The following NBEA variants were observed in gnomAD, a reference collection of about 807,000 sequenced individuals.
NBEA encodes neurobeachin, also known as lysosomal-trafficking regulator 2.
Under a neutral mutation model 343.4 loss-of-function variants are expected in NBEA, and 44 were observed. The ratio of observed to expected loss-of-function variants is 0.13; its 90% CI spans 0.10 to 0.16. The LOEUF is 0.16. Among genes scored for constraint, NBEA ranks in the 10% least tolerant of loss-of-function variants. The pLI is 1.00. For synonymous variants in NBEA, 1,175 were observed against 1,238.7 expected (o/e 0.95, Z 1.08); for missense variants, 2,555 against 3,631.3 (o/e 0.70, Z 7.62).
chr13:35,009,227 A>G (rs2152531537), intron 1 of NBEA, among the ~76,000 whole-genome samples: 1 of 152,344 alleles, frequency 6.6e-6, no homozygotes, highest in Non-Finnish European at 1.5e-5. Flanking sequence ...AAAGCAACAA[A>G]ACTCTCTACT....
chr13:35,165,861 T>A (rs569881716), intron 24 of NBEA, among the ~76,000 whole-genome samples: 2 of 151,882 alleles, frequency 1.3e-5, no homozygotes, highest in Non-Finnish European at 2.9e-5. Context: ...ATTTTTGTAT[T>A]TTTAGTAGTT....
At chr13:35,316,187 T>C (rs1341897136) in intron 36 of NBEA, among the ~76,000 whole-genome samples, 7 of 152,080 alleles carry the variant, frequency 4.6e-5, no homozygotes, top group African/African-American at 1.4e-4. Context: ...TATACACGTG[T>C]CATGGTGGTT....
At chr13:35,350,527 C>G (rs1226867935) in intron 37 of NBEA, among the ~76,000 whole-genome samples, 1 of 152,024 alleles carries the variant, frequency 6.6e-6, no homozygotes, top group Non-Finnish European at 1.5e-5. Flanking sequence ...TGAGATTACT[C>G]TCGTTGTGGG....
At chr13:35,351,028 C>T (rs764446688) in intron 37 of NBEA, among the ~76,000 whole-genome samples, 4 of 151,836 alleles carry the variant, frequency 2.6e-5, no homozygotes, top group Non-Finnish European at 5.9e-5. Flanking sequence ...TGAGGCAGAT[C>T]GTTGTACTAA....
intron 38 of NBEA, among the ~76,000 whole-genome samples, chr13:35,418,405 T>G (rs760439542): frequency 6.6e-6 from 1 of 152,004 alleles, no homozygotes. Context: ...TTTAGCTAAA[T>G]AAACAGAAGA....
At chr13:35,091,827 G>A (rs2065094792) in intron 10 of NBEA, among the ~76,000 whole-genome samples, 1 of 151,870 alleles carries the variant, frequency 6.6e-6, no homozygotes, top group African/African-American at 2.4e-5. Flanking sequence ...TCATATTCAT[G>A]GACTTAACAT....
chr13:34,981,487 C>G (rs1002774242), intron 1 of NBEA, among the ~76,000 whole-genome samples: 11 of 152,172 alleles, frequency 7.2e-5, no homozygotes, highest in Non-Finnish European at 1.0e-4. Context: ...TACATTGCCA[C>G]TGACAATTGA....
intron 2 of NBEA, 33 bp from the exon 3 acceptor site, chr13:35,044,914 T>TGTTC: frequency 6.5e-7 from 1 of 1,542,792 alleles, no homozygotes; most frequent in Non-Finnish European, 8.9e-7. Flanking sequence ...AGCTCATGAC[T>TGTTC]AGAGTTCAGA....
chr13:35,448,086 A>G (rs1420983183), intron 39 of NBEA, among the ~76,000 whole-genome samples: 2 of 152,180 alleles, frequency 1.3e-5, no homozygotes, highest in African/African-American at 4.8e-5. Flanking sequence ...TGAGCTGCAA[A>G]CTGATAACAC....
chr13:35,058,034 G>A lies in NBEA; in HGVS notation c.1093-683G>A, dbSNP rs544936570. On this transcript the variant is annotated intron_variant, in intron 7 of 58. Coordinates refer to ENST00000379939, the MANE Select transcript of NBEA (RefSeq NM_001385012.1). ...GGATAGGAGAAAGGAACTGAGCCAT[G>A]ACTGCCTTCCCTGGTTTGGGTGGGC... 1.5e-4 allele frequency among the ~76,000 whole-genome samples: 23 copies of A among 152,246 alleles called. No individual in the cohort carries two copies. The East Asian group carries it at 3.9e-3, about 26-fold the overall frequency.
intron 34 of NBEA, among the ~76,000 whole-genome samples, chr13:35,249,323 G>T (rs1368634280): frequency 6.6e-6 from 1 of 152,062 alleles, no homozygotes; most frequent in Non-Finnish European, 1.5e-5. Context: ...AGAGTGAAAG[G>T]CAAAGGCAAC....
In NBEA at chr13:35,259,858, C is replaced by G. The variant is rs1213236512; in HGVS notation, c.5776+27239C>G. ...TTTTGTGTTACAACATAACTTCAAT[C>G]AAAGAAATGTTATTTCAGGAATGAT... On this transcript the variant is annotated intron_variant, in intron 34 of 58. Coordinates refer to ENST00000379939, the MANE Select transcript of NBEA (RefSeq NM_001385012.1). 2.0e-5 allele frequency among the ~76,000 whole-genome samples: 3 copies of G among 151,918 alleles called. No individual in the cohort carries two copies. The East Asian group carries it at 5.8e-4, about 29-fold the overall frequency.
At chr13:35,076,991 A>G (rs1430223268) in intron 10 of NBEA, among the ~76,000 whole-genome samples, 1 of 152,094 alleles carries the variant, frequency 6.6e-6, no homozygotes, top group East Asian at 1.9e-4. Context: ...TCATCCTCAG[A>G]AACCCAGAAT....
At chr13:35,390,147 T>C (rs1269115355) in intron 38 of NBEA, among the ~76,000 whole-genome samples, 1 of 152,072 alleles carries the variant, frequency 6.6e-6, no homozygotes, top group African/African-American at 2.4e-5. Context: ...TTCTCATTCA[T>C]GTGTACTTAT....
intron 1 of NBEA, among the ~76,000 whole-genome samples, chr13:34,977,999 G>A (rs766521397): frequency 1.3e-5 from 2 of 152,016 alleles, no homozygotes; most frequent in African/African-American, 4.8e-5. Flanking sequence ...TAGAGAATGG[G>A]TCTCACTGTG....
At chr13:34,967,792 A>G (rs907691516) in intron 1 of NBEA, among the ~76,000 whole-genome samples, 4 of 152,066 alleles carry the variant, frequency 2.6e-5, no homozygotes, top group African/African-American at 9.7e-5. Flanking sequence ...TTCAACACCA[A>G]TTCTCTGGCA....
At chr13:35,297,565 A>G (rs1215134897) in intron 35 of NBEA, among the ~76,000 whole-genome samples, 1 of 152,060 alleles carries the variant, frequency 6.6e-6, no homozygotes, top group African/African-American at 2.4e-5. Context: ...ACAATCCAGA[A>G]GAAAAGACTA....
At chr13:34,988,786 G>C (rs1160845003) in intron 1 of NBEA, among the ~76,000 whole-genome samples, 1 of 150,810 alleles carries the variant, frequency 6.6e-6, no homozygotes, top group Non-Finnish European at 1.5e-5. Context: ...TTATTTGCAT[G>C]GTATATCTTT....
intron 36 of NBEA, among the ~76,000 whole-genome samples, chr13:35,328,438 A>G (rs538473510): frequency 1.1e-4 from 16 of 152,054 alleles, no homozygotes; most frequent in African/African-American, 2.2e-4. Flanking sequence ...CTAGTATTCA[A>G]TGGCACAACA....
Sources: allele counts gnomAD v4.1 joint callset (sites outside exome capture counted in the v4.1 genomes callset), GRCh38; gene constraint gnomAD v4.1.1; transcripts MANE v1.5; gene names NCBI Gene and HGNC (gene_info 2026-07-23, HGNC 2026-07-21).